The following HPSE2 variants were observed in gnomAD, a reference collection of about 807,000 sequenced individuals.
The protein encoded by HPSE2 is heparanase 2 (inactive).
A neutral mutation model predicts 60.5 loss-of-function variants in HPSE2; 38 were observed. The ratio of observed to expected loss-of-function variants is 0.63; its 90% CI spans 0.48 to 0.82. The LOEUF is 0.82. HPSE2 is among the 40% of genes least tolerant of loss of function. HPSE2 has a pLI of 0.00. For missense variants in HPSE2, 713 were observed against 740.4 expected, an observed-to-expected ratio of 0.96 and a Z score of 0.43; for synonymous variants, 295 against 293.2, an observed-to-expected ratio of 1.01 and a Z score of -0.06.
intron 3 of HPSE2, among the ~76,000 whole-genome samples, chr10:98,851,236 T>A (rs535484222): frequency 6.6e-5 from 10 of 152,308 alleles, no homozygotes; most frequent in African/African-American, 2.4e-4. Flanking sequence ...CTTGAAGACA[T>A]AGGCAGGAAG....
intron 9 of HPSE2, among the ~76,000 whole-genome samples, chr10:98,494,276 G>A (rs1170422010): frequency 2.0e-5 from 3 of 152,282 alleles, no homozygotes; most frequent in Non-Finnish European, 4.4e-5. Flanking sequence ...CTACTGCTAT[G>A]TCTGGTTTCC....
chr10:98,539,200 T>G (rs1469022668), intron 9 of HPSE2, among the ~76,000 whole-genome samples: 1 of 152,206 alleles, frequency 6.6e-6, no homozygotes, highest in African/African-American at 2.4e-5. Flanking sequence ...GTCTGGTAAC[T>G]GCAAGGCATG....
chr10:98,714,469 T>A (rs1948746398), intron 5 of HPSE2, among the ~76,000 whole-genome samples: 2 of 151,950 alleles, frequency 1.3e-5, no homozygotes, highest in South Asian at 4.1e-4. Context: ...TATGGCCTTT[T>A]GTGACTGGCT....
chr10:99,274,103 T>C, the HPSE2 span, among the ~76,000 whole-genome samples: 1 of 152,186 alleles, frequency 6.6e-6, no homozygotes, highest in Non-Finnish European at 1.5e-5. Context: ...CCCAGCACTT[T>C]GGGAGGCCAA....
chr10:98,538,353 TC>T (rs1943354308), intron 9 of HPSE2, among the ~76,000 whole-genome samples: 1 of 152,208 alleles, frequency 6.6e-6, no homozygotes, highest in Non-Finnish European at 1.5e-5. Flanking sequence ...TGGGCTTTCT[TC>T]ATCTTTTTAT....
intron 3 of HPSE2, among the ~76,000 whole-genome samples, chr10:98,965,967 T>G (rs1267733360): frequency 1.3e-5 from 2 of 152,074 alleles, no homozygotes; most frequent in African/African-American, 2.4e-5. Flanking sequence ...CTGGGCTCAC[T>G]GCAACCTCCA....
Position 98,481,219 on chromosome 10 carries a change from G to A in HPSE2, c.1613+1417C>T, listed in dbSNP as rs1028268263. ...GCAGATCATTATTTAATGGCAGCAG[G>A]AGATTTAAATGCACTCATGATCCTC... is the stretch of plus-strand genomic sequence containing the variant. On this transcript the variant is annotated intron_variant, in intron 11 of 11. Transcript: ENST00000370552. 2.0e-5 allele frequency among the ~76,000 whole-genome samples: 3 copies of A among 152,314 alleles called. 1 individual carries two copies. In the South Asian group the frequency reaches 6.2e-4, roughly 32 times the overall value.
chr10:98,684,504 C>T (rs570373770), intron 6 of HPSE2, among the ~76,000 whole-genome samples: 2 of 152,236 alleles, frequency 1.3e-5, no homozygotes, highest in South Asian at 2.1e-4. Context: ...CATGTCCCTG[C>T]TGTGAATAAT....
At chr10:98,521,971 C>T (rs1020391366) in intron 9 of HPSE2, among the ~76,000 whole-genome samples, 5 of 151,642 alleles carry the variant, frequency 3.3e-5, no homozygotes, top group Admixed American at 1.3e-4. Flanking sequence ...CATCACACAC[C>T]GAGGCCTGTC....
At chr10:99,008,275 A>T (rs1452010377) in intron 3 of HPSE2, among the ~76,000 whole-genome samples, 2 of 152,230 alleles carry the variant, frequency 1.3e-5, no homozygotes, top group African/African-American at 4.8e-5. Context: ...TTTTTACACT[A>T]GCAAGGATAA....
At chr10:98,666,949 CA>C (rs1434398825) in intron 6 of HPSE2, among the ~76,000 whole-genome samples, 1 of 151,250 alleles carries the variant, frequency 6.6e-6, no homozygotes, top group African/African-American at 2.4e-5. Flanking sequence ...AACTGAGACC[CA>C]AAAGTCCATA....
At chr10:99,095,291 T>C (rs2135615650) in intron 3 of HPSE2, among the ~76,000 whole-genome samples, 1 of 152,330 alleles carries the variant, frequency 6.6e-6, no homozygotes, top group South Asian at 2.1e-4. Context: ...TTCAGCATGG[T>C]AAAGTTAGTT....
chr10:99,178,509 A>G lies in HPSE2; in HGVS notation c.449-34110T>C, dbSNP rs1168844573. On this transcript the variant is annotated intron_variant, in intron 2 of 11. Transcript: ENST00000370552. Reference sequence around the variant, plus strand: ...ATAAACACCTCTACGCAAATAAACTAGAAAATCTAGGAAAACCGGATAAAT... The same window carrying G: ...ATAAACACCTCTACGCAAATAAACTGGAAAATCTAGGAAAACCGGATAAAT... Among the ~76,000 whole-genome samples the G allele has an allele frequency of 2.8e-5, 3 of 107,948 alleles. No homozygotes were observed. In the East Asian group the frequency reaches 7.8e-4, roughly 28 times the overall value. The allele number at this position is 107,948 out of a possible 152,430, so 70.8% of individuals were successfully genotyped here.
At chr10:99,299,072 A>T in the HPSE2 span, among the ~76,000 whole-genome samples, 1 of 152,132 alleles carries the variant, frequency 6.6e-6, no homozygotes, top group East Asian at 1.9e-4. Flanking sequence ...AAGCTGCATC[A>T]GCTATCCTAG....
intron 9 of HPSE2, among the ~76,000 whole-genome samples, chr10:98,503,287 G>T (rs1286317880): frequency 6.6e-6 from 1 of 151,828 alleles, no homozygotes; most frequent in Non-Finnish European, 1.5e-5. Context: ...TAATGATCAG[G>T]GAAATGCAAA....
intron 2 of HPSE2, among the ~76,000 whole-genome samples, chr10:99,222,115 T>C (rs1253386682): frequency 3.3e-5 from 5 of 152,044 alleles, no homozygotes; most frequent in Admixed American, 6.6e-5. Context: ...CTCCAGCTAA[T>C]ATAAAGGCCT....
At chr10:98,748,908 C>G (rs903545700) in intron 3 of HPSE2, among the ~76,000 whole-genome samples, 24 of 151,228 alleles carry the variant, frequency 1.6e-4, no homozygotes, top group African/African-American at 5.8e-4. Context: ...ATTAATCAAA[C>G]AGTGAGGTTA....
intron 3 of HPSE2, among the ~76,000 whole-genome samples, chr10:98,849,604 C>G (rs1952118865): frequency 6.6e-6 from 1 of 152,006 alleles, no homozygotes; most frequent in African/African-American, 2.4e-5. Flanking sequence ...TTTACTACGG[C>G]CATAACCTCT....
chr10:99,270,567 A>C, the HPSE2 span, among the ~76,000 whole-genome samples: 5 of 152,218 alleles, frequency 3.3e-5, no homozygotes, highest in African/African-American at 1.2e-4. Context: ...CATTCAAAGA[A>C]GAATTTGTAC....
Sources: gnomAD v4.1 joint callset for allele counts (sites outside exome capture counted in the v4.1 genomes callset) on GRCh38, gnomAD v4.1.1 for gene constraint, MANE v1.5 for transcripts, NCBI Gene and HGNC (gene_info 2026-07-23, HGNC 2026-07-21) for gene names.